Variants in TMEFF2 observed in about 807,000 individuals in gnomAD.
TMEFF2 encodes the protein transmembrane protein with EGF like and two follistatin like domains 2.
In TMEFF2, 28 loss-of-function variants were observed where a neutral mutation model predicts 53.8. The ratio of observed to expected loss-of-function variants is 0.52; its 90% CI spans 0.39 to 0.71. The LOEUF (loss-of-function observed/expected upper bound fraction) is 0.71, where lower values mean the gene tolerates loss of function less well. Ranked by LOEUF, TMEFF2 falls within the 30% of genes least tolerant of loss-of-function variation. The probability of loss-of-function intolerance (pLI) is 0.00; values close to 1 mark genes in which losing one functional copy is unlikely to be tolerated. For missense variants in TMEFF2, 353 were observed against 455.2 expected (o/e 0.78, Z 2.04); for synonymous variants, 162 against 166.3 (o/e 0.97, Z 0.20).
intron 5 of TMEFF2, among the ~76,000 whole-genome samples, chr2:192,038,871 C>A (rs1020515072): frequency 6.6e-6 from 1 of 152,166 alleles, no homozygotes; most frequent in Non-Finnish European, 1.5e-5. Context: ...AGTAACTTTG[C>A]AAGCTACAGT....
intron 4 of TMEFF2, among the ~76,000 whole-genome samples, chr2:192,126,755 C>A (rs1250372599): frequency 6.6e-6 from 1 of 152,166 alleles, no homozygotes; most frequent in Non-Finnish European, 1.5e-5. Context: ...GTAAATTCCT[C>A]AAGGTGGTAA....
chr2:192,103,634 TTC>T (rs1201226946), intron 4 of TMEFF2, among the ~76,000 whole-genome samples: 4 of 152,070 alleles, frequency 2.6e-5, no homozygotes, highest in Non-Finnish European at 5.9e-5. Context: ...TAGTCTTGTT[TTC>T]AACTCTTCAG....
At chr2:192,087,158 A>C (rs1436981121) in intron 4 of TMEFF2, among the ~76,000 whole-genome samples, 1 of 152,072 alleles carries the variant, frequency 6.6e-6, no homozygotes, top group Non-Finnish European at 1.5e-5. Context: ...CTAATCTATG[A>C]GGAGGGTTTT....
intron 1 of TMEFF2, 150 bp from the exon 2 acceptor site, chr2:192,192,139 T>C (rs1166598801): frequency 3.5e-6 from 2 of 572,494 alleles, no homozygotes; most frequent in Non-Finnish European, 6.2e-6. Flanking sequence ...ACTGATAACC[T>C]CAAAATCTAG....
Position 191,953,754 on chromosome 2 carries a change from T to C in TMEFF2, c.953A>G (p.Gln318Arg), listed in dbSNP as rs1287961222. 6.2e-7 allele frequency: 1 copy of C among 1,614,176 alleles called. No individual in the cohort carries two copies. Residue 318 changes from glutamine (Q) to arginine (R), a missense_variant, in exon 9 of 10, where the codon CAG (glutamine) becomes CGG (arginine). Physicochemically the swap from Gln to Arg is conservative, Grantham distance 43 (BLOSUM62 1). Coordinates refer to ENST00000272771, the MANE Select transcript of TMEFF2 (RefSeq NM_016192.4). ...LYVVPGPVRF[Q>R]YVLIAAVIGT... ...AATCACAGCTGCGATTAAGACATAC[T>C]GAAATCGTACAGGACCGGGAACAAC...
chr2:192,083,971 T>C (rs1688610660), intron 4 of TMEFF2, among the ~76,000 whole-genome samples: 1 of 152,112 alleles, frequency 6.6e-6, no homozygotes, highest in Admixed American at 6.6e-5. Context: ...AATGCTCTTA[T>C]TACTACCACC....
intron 5 of TMEFF2, among the ~76,000 whole-genome samples, chr2:192,010,455 C>T (rs1686600614): frequency 6.6e-6 from 1 of 152,154 alleles, no homozygotes; most frequent in Non-Finnish European, 1.5e-5. Context: ...TGAGTACCCT[C>T]CTAGAGTGAA....
At chr2:192,140,718 G>A (rs894051312) in intron 4 of TMEFF2, among the ~76,000 whole-genome samples, 18 of 152,290 alleles carry the variant, frequency 1.2e-4, no homozygotes, top group African/African-American at 3.6e-4. Flanking sequence ...TCCACAGGCA[G>A]AGGTAAGAGT....
intron 4 of TMEFF2, among the ~76,000 whole-genome samples, chr2:192,079,667 A>G (rs1688509200): frequency 6.6e-6 from 1 of 152,216 alleles, no homozygotes; most frequent in South Asian, 2.1e-4. Context: ...CTTACTTTCC[A>G]AATTTTATAT....
chr2:191,961,265 A>C (rs1692264379), intron 7 of TMEFF2, among the ~76,000 whole-genome samples: 1 of 152,160 alleles, frequency 6.6e-6, no homozygotes, highest in Non-Finnish European at 1.5e-5. Context: ...TTTTAAAATC[A>C]TGCTTTAACA....
intron 4 of TMEFF2, among the ~76,000 whole-genome samples, chr2:192,160,779 C>CAG (rs139530351): frequency 3.5e-3 from 536 of 152,032 alleles, no homozygotes; most frequent in East Asian, 0.011. Context: ...GCAGAAAGAA[C>CAG]AGAGAAAAAG....
At chr2:192,034,343 G>T (rs1574309411) in intron 5 of TMEFF2, among the ~76,000 whole-genome samples, 1 of 151,942 alleles carries the variant, frequency 6.6e-6, no homozygotes, top group African/African-American at 2.4e-5. Context: ...TTAAAGTTAG[G>T]TTATGAGAAG....
intron 4 of TMEFF2, among the ~76,000 whole-genome samples, chr2:192,072,069 C>G (rs1243081752): frequency 6.6e-6 from 1 of 151,788 alleles, no homozygotes; most frequent in Non-Finnish European, 1.5e-5. Context: ...CAGTATGAAG[C>G]AAGGAATATA....
At chr2:192,093,138 T>C (rs1480721110) in intron 4 of TMEFF2, among the ~76,000 whole-genome samples, 2 of 152,184 alleles carry the variant, frequency 1.3e-5, no homozygotes, top group African/African-American at 4.8e-5. Flanking sequence ...TTTAGCTTTA[T>C]TTGTAGATAT....
intron 4 of TMEFF2, among the ~76,000 whole-genome samples, chr2:192,106,968 T>G (rs1271635986): frequency 6.6e-6 from 1 of 151,766 alleles, no homozygotes; most frequent in South Asian, 2.1e-4. Context: ...GAGTTAGGCA[T>G]GTCTATTTGG....
chr2:192,135,747 T>C (rs1037963982), intron 4 of TMEFF2, among the ~76,000 whole-genome samples: 1 of 152,082 alleles, frequency 6.6e-6, no homozygotes, highest in Non-Finnish European at 1.5e-5. Flanking sequence ...CCAGATGGCC[T>C]GAAGTAACTG....
intron 7 of TMEFF2, among the ~76,000 whole-genome samples, chr2:191,961,018 T>G (rs1326758162): frequency 6.6e-6 from 1 of 152,158 alleles, no homozygotes; most frequent in Admixed American, 6.5e-5. Context: ...TTACTAACAT[T>G]TACTAGAGAA....
At chr2:191,992,662 T>C (rs920994425) in intron 7 of TMEFF2, 1 of 152,078 alleles carries the variant, frequency 6.6e-6, no homozygotes, top group African/African-American at 2.4e-5. Flanking sequence ...AAATTTTTAC[T>C]TTCTGTTTAT....
intron 4 of TMEFF2, among the ~76,000 whole-genome samples, chr2:192,147,015 T>C (rs1690268081): frequency 6.6e-6 from 1 of 152,126 alleles, no homozygotes; most frequent in South Asian, 2.1e-4. Context: ...TTAAAAGGCA[T>C]AATTAAAATA....
Sources: gnomAD v4.1 joint callset for allele counts (sites outside exome capture counted in the v4.1 genomes callset) on GRCh38, gnomAD v4.1.1 for gene constraint, MANE v1.5 for transcripts, NCBI Gene and HGNC (gene_info 2026-07-23, HGNC 2026-07-21) for gene names.